AKAP13: variants seen among roughly 807,000 people sequenced by gnomAD.
The protein encoded by AKAP13 is A-kinase anchor protein 13.
A neutral mutation model predicts 264.5 loss-of-function variants in AKAP13; 80 were observed. The ratio of observed to expected loss-of-function variants is 0.30; its 90% CI spans 0.25 to 0.36. AKAP13 has a LOEUF of 0.36. AKAP13 is among the 10% of genes least tolerant of loss of function. AKAP13 has a pLI of 1.00. For synonymous variants in AKAP13, 1,380 were observed against 1,250.2 expected (o/e 1.10, Z -2.19); for missense variants, 3,712 against 3,435.2 (o/e 1.08, Z -2.01).
At chr15:85,528,024 GT>G (rs1354942652) in intron 3 of AKAP13, among the ~76,000 whole-genome samples, 1 of 152,058 alleles carries the variant, frequency 6.6e-6, no homozygotes. Flanking sequence ...AGTTCCTATT[GT>G]TTCATCCTCA....
chr15:85,559,013 C>T (rs1228122899), intron 5 of AKAP13, among the ~76,000 whole-genome samples: 1 of 150,898 alleles, frequency 6.6e-6, no homozygotes, highest in African/African-American at 2.4e-5. Flanking sequence ...TTTCTGTCAT[C>T]GGTTTGAAAT....
chr15:85,576,820 A>G (rs2079030967), intron 6 of AKAP13, among the ~76,000 whole-genome samples: 1 of 152,198 alleles, frequency 6.6e-6, no homozygotes, highest in Admixed American at 6.5e-5. Flanking sequence ...TTACTAGGTG[A>G]ATGGTAGTTC....
intron 8 of AKAP13, among the ~76,000 whole-genome samples, chr15:85,610,808 G>T (rs1156971246): frequency 6.6e-6 from 1 of 152,020 alleles, no homozygotes; most frequent in African/African-American, 2.4e-5. Context: ...AAACTCCCCC[G>T]TCTCTACTAA....
intron 9 of AKAP13, among the ~76,000 whole-genome samples, chr15:85,641,275 ATC>A (rs779216066): frequency 7.9e-5 from 12 of 151,366 alleles, no homozygotes; most frequent in Non-Finnish European, 1.6e-4. Context: ...TGAAACTCCC[ATC>A]TCTACTAAAA....
intron 5 of AKAP13, among the ~76,000 whole-genome samples, chr15:85,564,297 A>G (rs1458381404): frequency 6.6e-6 from 1 of 152,190 alleles, no homozygotes; most frequent in Non-Finnish European, 1.5e-5. Flanking sequence ...TATATCCTTC[A>G]TCCAAATTCT....
intron 21 of AKAP13, 53 bp downstream of exon 21, chr15:85,717,455 G>A (rs2087015017): frequency 8.1e-7 from 1 of 1,236,706 alleles, no homozygotes; most frequent in African/African-American, 1.5e-5. Flanking sequence ...CTGTGTGTGT[G>A]TCATTACCTA....
chr15:85,444,656 A>T (rs543898350), intron 1 of AKAP13, among the ~76,000 whole-genome samples: 1 of 152,356 alleles, frequency 6.6e-6, no homozygotes, highest in East Asian at 1.9e-4. Flanking sequence ...CTACAGAATC[A>T]GTCTTAATCT....
Position 85,483,483 on chromosome 15 carries a change from G to A in AKAP13, c.-11-2227G>A, listed in dbSNP as rs908664435. 5.3e-5 allele frequency among the ~76,000 whole-genome samples: 8 copies of A among 150,178 alleles called. 1 individual carries two copies. Among genetic ancestry groups the A allele is most frequent in the South Asian group, 2.1e-4 (1 of 4,820 alleles). ...CTACTAAATATACAAAAAATTAGCC[G>A]GTTGCGGTGGCGGGCGCCTGTAGTC... On this transcript the variant is annotated intron_variant, in intron 1 of 36. Coordinates refer to ENST00000394518, the MANE Select transcript of AKAP13 (RefSeq NM_007200.5).
intron 16 of AKAP13, chr15:85,685,468 G>A (rs908368099): frequency 6.8e-6 from 1 of 147,414 alleles, no homozygotes; most frequent in Non-Finnish European, 1.5e-5. Context: ...AACCGTGTGT[G>A]TGTGTGTGTG....
chr15:85,518,855 G>A (rs1260846254), intron 2 of AKAP13, among the ~76,000 whole-genome samples: 3 of 152,068 alleles, frequency 2.0e-5, no homozygotes, highest in Non-Finnish European at 4.4e-5. Context: ...CCAATTAAAG[G>A]TATGAAAGCA....
intron 1 of AKAP13, among the ~76,000 whole-genome samples, chr15:85,401,323 A>G (rs1001133816): frequency 6.6e-6 from 1 of 152,052 alleles, no homozygotes; most frequent in African/African-American, 2.4e-5. Flanking sequence ...TTTCGTTATG[A>G]AGTCTAGATG....
intron 16 of AKAP13, chr15:85,693,010 G>A (rs2085376134): frequency 2.6e-6 from 1 of 382,374 alleles, no homozygotes; most frequent in East Asian, 6.2e-5. Flanking sequence ...CTTGGGTATT[G>A]TGTCTGTTGG....
chr15:85,460,066 G>A (rs2074447092), intron 1 of AKAP13, among the ~76,000 whole-genome samples: 1 of 151,936 alleles, frequency 6.6e-6, no homozygotes, highest in Non-Finnish European at 1.5e-5. Flanking sequence ...TCATATCAAG[G>A]GCAAAAATTG....
intron 1 of AKAP13, among the ~76,000 whole-genome samples, chr15:85,410,640 A>G (rs2071916089): frequency 6.7e-6 from 1 of 149,568 alleles, no homozygotes; most frequent in African/African-American, 2.5e-5. Flanking sequence ...CTCTTCTGCG[A>G]CTCTCAGATT....
chr15:85,543,836 G>T lies in AKAP13; in HGVS notation c.543G>T (p.Trp181Cys). Reference sequence around the variant, plus strand: ...GGCTGGGACTGCTGAGGTTGACGTGGTTCCTGTTGCAGAAGCCAGGTGGCC... The same window carrying T: ...GGCTGGGACTGCTGAGGTTGACGTGTTTCCTGTTGCAGAAGCCAGGTGGCC... The part of the protein sequence containing the change: ...AVRLGLLRLT[W>C]FLLQKPGGRG... The change falls in exon 5 of 37, where the codon TGG becomes TGT. Residue 181 changes from tryptophan to cysteine, a missense_variant. Transcript: ENST00000394518. 6.2e-7 allele frequency: 1 copy of T among 1,614,142 alleles called. No homozygotes were observed. Among genetic ancestry groups the T allele is most frequent in the Non-Finnish European group, 8.5e-7 (1 of 1,179,992 alleles).
At chr15:85,502,300 C>A (rs1310502687) in intron 2 of AKAP13, among the ~76,000 whole-genome samples, 3 of 152,170 alleles carry the variant, frequency 2.0e-5, no homozygotes, top group African/African-American at 2.4e-5. Flanking sequence ...CAGGATTTTT[C>A]ATGAGCACTA....
intron 14 of AKAP13, among the ~76,000 whole-genome samples, chr15:85,675,407 T>G (rs1211173059): frequency 6.6e-6 from 1 of 152,180 alleles, no homozygotes; most frequent in Non-Finnish European, 1.5e-5. Context: ...TGGAGTGGCT[T>G]TCATAATAGG....
intron 8 of AKAP13, among the ~76,000 whole-genome samples, chr15:85,605,659 G>C (rs2080291414): frequency 6.6e-6 from 1 of 152,062 alleles, no homozygotes; most frequent in Non-Finnish European, 1.5e-5. Flanking sequence ...AAAGGTACTG[G>C]GATATAAGCT....
At chr15:85,647,975 G>T (rs1374369576) in intron 10 of AKAP13, among the ~76,000 whole-genome samples, 1 of 151,978 alleles carries the variant, frequency 6.6e-6, no homozygotes, top group Non-Finnish European at 1.5e-5. Context: ...TAGAAGATCT[G>T]CCTTTCTCTT....
Sources: gnomAD v4.1 joint callset for allele counts (sites outside exome capture counted in the v4.1 genomes callset) on GRCh38, gnomAD v4.1.1 for gene constraint, MANE v1.5 for transcripts, NCBI Gene and HGNC (gene_info 2026-07-23, HGNC 2026-07-21) for gene names.